Variants in GNB5 observed in about 807,000 individuals in gnomAD.
GNB5 encodes guanine nucleotide-binding protein subunit beta-5.
A neutral mutation model predicts 55.3 loss-of-function variants in GNB5; 37 were observed. The ratio of observed to expected loss-of-function variants is 0.67; its 90% confidence interval spans 0.51 to 0.88. GNB5 has a LOEUF of 0.88. Ranked by LOEUF, GNB5 falls within the 40% of genes least tolerant of loss-of-function variation. GNB5 has a pLI of 0.00. For synonymous variants in GNB5, 219 were observed against 198.5 expected (o/e 1.10, Z -0.87); for missense variants, 476 against 515.3 (o/e 0.92, Z 0.74).
chr15:52,158,000 C>A (rs2034251416), intron 3 of GNB5, among the ~76,000 whole-genome samples: 1 of 151,608 alleles, frequency 6.6e-6, no homozygotes, highest in Non-Finnish European at 1.5e-5. Flanking sequence ...TCTGGAGGAC[C>A]ATTCCTCCAG....
At chr15:52,164,697 C>T (rs1028724400) in intron 3 of GNB5, among the ~76,000 whole-genome samples, 1 of 151,744 alleles carries the variant, frequency 6.6e-6, no homozygotes, top group African/African-American at 2.4e-5. Context: ...TCCACAAAAA[C>T]CCCATTCATA....
intron 3 of GNB5, among the ~76,000 whole-genome samples, chr15:52,164,295 C>A: frequency 9.2e-6 from 1 of 108,604 alleles, no homozygotes; most frequent in Non-Finnish European, 1.7e-5. Context: ...GAGACAACAG[C>A]AAGACTCTGT....
chr15:52,124,689 T>A (rs761542769), intron 11 of GNB5, 50 bp from the exon 12 acceptor site: 1 of 1,503,998 alleles, frequency 6.6e-7, no homozygotes, highest in Non-Finnish European at 9.2e-7. Flanking sequence ...TTGCTTCCTG[T>A]TTCTCATTAC....
intron 3 of GNB5, among the ~76,000 whole-genome samples, chr15:52,173,616 C>T (rs1394992024): frequency 6.6e-6 from 1 of 152,138 alleles, no homozygotes; most frequent in South Asian, 2.1e-4. Flanking sequence ...AAGAGGTAGA[C>T]GGAACTAGGT....
In GNB5 at chr15:52,176,532, T is replaced by C. The variant is rs559655993; in HGVS notation, c.238+3236A>G. 5.3e-5 allele frequency among the ~76,000 whole-genome samples: 8 copies of C among 151,984 alleles called. No individual in the cohort carries two copies. In the East Asian group the frequency reaches 1.5e-3, roughly 29 times the overall value. On this transcript the variant is annotated intron_variant, in intron 3 of 12. Transcript: ENST00000261837. ...CACACTTAGGAAGGAGCTGGGCGAGTCTGGGCTGGGGTAAGGTAAGAGCGG... is the reference window on the plus strand; with the variant it reads ...CACACTTAGGAAGGAGCTGGGCGAGCCTGGGCTGGGGTAAGGTAAGAGCGG...
At chr15:52,186,330 TCTGGGC>T (rs1390193757) in intron 1 of GNB5, among the ~76,000 whole-genome samples, 2 of 152,212 alleles carry the variant, frequency 1.3e-5, no homozygotes, top group Non-Finnish European at 1.5e-5. Context: ...GTTACTTGGG[TCTGGGC>T]CTTCCAGGAA....
chr15:52,117,102 A>ATATTTTT lies in GNB5; in HGVS notation c.*5654_*5655insAAAAATA. On this transcript the variant is annotated 3_prime_UTR_variant, in exon 13 of 13. Transcript: ENST00000261837. ...CCACGCCCAGCTAATATATATATATATTTTTTTTTAGTACAGACAGGGTTT... is the reference window on the plus strand; with the variant it reads ...CCACGCCCAGCTAATATATATATATATATTTTTTTTTTTTTTAGTACAGACAGGGTTT... The ATATTTTT allele has an allele frequency of 3.4e-5, 3 of 87,102 alleles. No individual in the cohort carries two copies. The highest frequency in any genetic ancestry group is 1.2e-4 in the African/African-American group (2 of 16,420). The allele number at this position is 87,102 out of a possible 1,614,324, so 5.4% of individuals were successfully genotyped here.
chr15:52,131,206 A>T (rs2033565617), intron 9 of GNB5, among the ~76,000 whole-genome samples: 1 of 152,250 alleles, frequency 6.6e-6, no homozygotes, highest in South Asian at 2.1e-4. Context: ...ACTGCAGATT[A>T]AAAATATTCT....
chr15:52,155,293 G>C (rs921286782), intron 3 of GNB5, among the ~76,000 whole-genome samples: 1 of 152,186 alleles, frequency 6.6e-6, no homozygotes, highest in African/African-American at 2.4e-5. Flanking sequence ...TCTTCCCAGG[G>C]AGCTGCTGAG....
chr15:52,166,511 G>C (rs369641074), intron 3 of GNB5, among the ~76,000 whole-genome samples: 2 of 152,130 alleles, frequency 1.3e-5, no homozygotes, highest in African/African-American at 4.8e-5. Context: ...AATCAAATTA[G>C]AACTCAAGAT....
rs2033155796 is a variant in GNB5, at chr15:52,117,058, G to A, written c.*5699C>T. ...CCTGCCCCAGCCTCCCGAGCAGCTGGGACTACAGGCACCTGCCACCACGCC... is the reference window on the plus strand; with the variant it reads ...CCTGCCCCAGCCTCCCGAGCAGCTGAGACTACAGGCACCTGCCACCACGCC... On this transcript the variant is annotated 3_prime_UTR_variant, in exon 13 of 13. Coordinates refer to ENST00000261837, the MANE Select transcript of GNB5 (RefSeq NM_016194.4). 7.2e-6 allele frequency: 1 copy of A among 139,696 alleles called. No individual in the cohort carries two copies. Among genetic ancestry groups the A allele is most frequent in the African/African-American group, 2.7e-5 (1 of 37,498 alleles). The allele number at this position is 139,696 out of a possible 1,614,324, so 8.7% of individuals were successfully genotyped here. A position where few individuals can be genotyped will look rare whatever the true frequency, so the allele number is the denominator to read the frequency against.
At chr15:52,188,503 T>G (rs1286435228) in intron 1 of GNB5, among the ~76,000 whole-genome samples, 1 of 152,194 alleles carries the variant, frequency 6.6e-6, no homozygotes, top group African/African-American at 2.4e-5. Flanking sequence ...TATCTTGATG[T>G]TTTTCACTTA....
At chr15:52,142,677 AGCC>A (rs2033884528) in intron 6 of GNB5, among the ~76,000 whole-genome samples, 1 of 152,046 alleles carries the variant, frequency 6.6e-6, no homozygotes, top group African/African-American at 2.4e-5. Flanking sequence ...ACCTAACCTC[AGCC>A]TTACCCTAAG....
At chr15:52,161,415 A>T (rs550082818) in intron 3 of GNB5, among the ~76,000 whole-genome samples, 1 of 152,304 alleles carries the variant, frequency 6.6e-6, no homozygotes, top group African/African-American at 2.4e-5. Flanking sequence ...CTCATGCCTC[A>T]GCCTCTCAAG....
Position 52,117,102 on chromosome 15 carries a change from A to ATATATATATATATATATATATAT in GNB5, c.*5654_*5655insATATATATATATATATATATATA. Reference sequence around the variant, plus strand: ...CCACGCCCAGCTAATATATATATATATTTTTTTTTAGTACAGACAGGGTTT... The same window carrying ATATATATATATATATATATATAT: ...CCACGCCCAGCTAATATATATATATATATATATATATATATATATATATTTTTTTTTTAGTACAGACAGGGTTT... On this transcript the variant is annotated 3_prime_UTR_variant, in exon 13 of 13. Transcript: ENST00000261837. 1 of 87,100 alleles carries ATATATATATATATATATATATAT rather than the reference A, an allele frequency of 1.1e-5. No homozygotes were observed. Among genetic ancestry groups the ATATATATATATATATATATATAT allele is most frequent in the African/African-American group, 6.1e-5 (1 of 16,446 alleles). The allele number at this position is 87,100 out of a possible 1,614,324, so 5.4% of individuals were successfully genotyped here.
chr15:52,165,071 A>G (rs2034423847), intron 3 of GNB5, among the ~76,000 whole-genome samples: 1 of 152,230 alleles, frequency 6.6e-6, no homozygotes. Context: ...TGCAATCACA[A>G]GTAACAACAG....
At position 52,139,774 on chromosome 15, in the gene GNB5, C is replaced by T. The variant is rs557000219; in HGVS notation, c.627+1366G>A. ...GCCAGCTGTGACTTCCCTTTATCTCCGGCTAAGCTGCTTGTTGGAAAAGAA... is the reference window on the plus strand; with the variant it reads ...GCCAGCTGTGACTTCCCTTTATCTCTGGCTAAGCTGCTTGTTGGAAAAGAA... On this transcript the variant is annotated intron_variant, in intron 7 of 12. Transcript: ENST00000261837. The T allele has an allele frequency of 2.1e-5, 26 of 1,216,866 alleles. No homozygotes were observed. The African/African-American group carries it at 2.5e-4, about 12-fold the overall frequency. The allele number at this position is 1,216,866 out of a possible 1,614,324, so 75.4% of individuals were successfully genotyped here.
chr15:52,151,845 T>C (rs1367728209), intron 4 of GNB5, among the ~76,000 whole-genome samples: 1 of 151,840 alleles, frequency 6.6e-6, no homozygotes. Flanking sequence ...GTGGCTCACA[T>C]CTATAATCTC....
intron 8 of GNB5, among the ~76,000 whole-genome samples, chr15:52,135,283 T>C (rs1471844400): frequency 1.3e-5 from 2 of 152,096 alleles, no homozygotes; most frequent in East Asian, 3.9e-4. Flanking sequence ...ACTTGAGGAA[T>C]GACATTTTAA....
Sources: allele counts gnomAD v4.1 joint callset (sites outside exome capture counted in the v4.1 genomes callset), GRCh38; gene constraint gnomAD v4.1.1; transcripts MANE v1.5; gene names NCBI Gene and HGNC (gene_info 2026-07-23, HGNC 2026-07-21).